The following AKAP7 variants were observed in gnomAD, a reference collection of about 807,000 sequenced individuals.
AKAP7 encodes A kinase (PRKA) anchor protein 7.
AKAP7 carries 39 observed loss-of-function variants against 39.5 expected under a neutral mutation model. The ratio of observed to expected loss-of-function variants is 0.99; its 90% CI spans 0.76 to 1.29. The LOEUF is 1.29. AKAP7 is among the 50% of genes most tolerant of loss of function. The pLI is 0.00. For synonymous variants in AKAP7, 140 were observed against 139.1 expected (o/e 1.01, Z -0.05); for missense variants, 414 against 407.7 (o/e 1.02, Z -0.13).
At chr6:131,255,591 A>G (rs1812777492) in intron 7 of AKAP7, among the ~76,000 whole-genome samples, 1 of 152,200 alleles carries the variant, frequency 6.6e-6, no homozygotes, top group Admixed American at 6.5e-5. Context: ...TGTTAAAAAC[A>G]TATGGCCCAT....
intron 7 of AKAP7, among the ~76,000 whole-genome samples, chr6:131,273,375 A>G: frequency 6.6e-6 from 1 of 151,818 alleles, no homozygotes; most frequent in East Asian, 1.9e-4. Flanking sequence ...GTTGTTTTCT[A>G]CTTGTCTCAT....
chr6:131,149,202 T>G (rs1314244027), intron 2 of AKAP7, among the ~76,000 whole-genome samples: 1 of 152,218 alleles, frequency 6.6e-6, no homozygotes, highest in Non-Finnish European at 1.5e-5. Context: ...CCAAAACATG[T>G]AGAGACTTTT....
chr6:131,241,607 G>GTATATATATATA (rs888353051), intron 7 of AKAP7, among the ~76,000 whole-genome samples: 38 of 130,046 alleles, frequency 2.9e-4, no homozygotes, highest in Non-Finnish European at 3.6e-4. Context: ...GTGTGTGTGT[G>GTATATATATATA]TGTGTGTGTG....
At chr6:131,184,750 A>G (rs1805649325) in intron 5 of AKAP7, 1 of 1,036,326 alleles carries the variant, frequency 9.6e-7, no homozygotes, top group Admixed American at 1.7e-5. Context: ...CCTCTGGGAA[A>G]CAGGAGTGGG....
chr6:131,204,452 T>G (rs1343957067), intron 6 of AKAP7, among the ~76,000 whole-genome samples: 4 of 152,206 alleles, frequency 2.6e-5, no homozygotes, highest in African/African-American at 9.6e-5. Flanking sequence ...TTGTATAAAA[T>G]GGTTTCCTTG....
At chr6:131,149,141 T>G (rs556040541) in intron 2 of AKAP7, among the ~76,000 whole-genome samples, 1 of 152,352 alleles carries the variant, frequency 6.6e-6, no homozygotes, top group African/African-American at 2.4e-5. Flanking sequence ...GTATCTTGAT[T>G]AGGCAGCATG....
intron 5 of AKAP7, chr6:131,184,313 G>GT (rs915429300): frequency 3.4e-5 from 21 of 614,262 alleles, no homozygotes; most frequent in Middle Eastern, 5.0e-4. Context: ...GGGGAGCAGG[G>GT]GGGTGGCTAT....
intron 7 of AKAP7, among the ~76,000 whole-genome samples, chr6:131,280,540 C>T (rs1815117090): frequency 6.6e-6 from 1 of 152,238 alleles, no homozygotes; most frequent in Admixed American, 6.5e-5. Flanking sequence ...GTGCAACACT[C>T]ACTGGCTTTG....
chr6:131,184,627 T>A (rs1285769747), intron 5 of AKAP7: 21 of 754,188 alleles, frequency 2.8e-5, no homozygotes, highest in Non-Finnish European at 4.2e-5. Flanking sequence ...GGACACCACC[T>A]CCTCAGGTTG....
chr6:131,177,197 G>C (rs2128251268), intron 5 of AKAP7, among the ~76,000 whole-genome samples: 1 of 152,216 alleles, frequency 6.6e-6, no homozygotes, highest in East Asian at 1.9e-4. Context: ...AAACCTATGA[G>C]GTATGGGCTG....
chr6:131,161,228 G>A (rs1476461721), intron 3 of AKAP7, among the ~76,000 whole-genome samples: 4 of 152,270 alleles, frequency 2.6e-5, no homozygotes, highest in South Asian at 2.1e-4. Context: ...CTGGGGAGAA[G>A]ATATACATAA....
intron 2 of AKAP7, among the ~76,000 whole-genome samples, chr6:131,146,992 T>C (rs1279531136): frequency 6.6e-6 from 1 of 152,216 alleles, no homozygotes; most frequent in Non-Finnish European, 1.5e-5. Flanking sequence ...CAGGCTGCTC[T>C]GGAAGTGCAT....
intron 5 of AKAP7, among the ~76,000 whole-genome samples, chr6:131,186,590 T>G (rs543413495): frequency 2.4e-4 from 36 of 152,150 alleles, no homozygotes; most frequent in Non-Finnish European, 4.3e-4. Context: ...CATCACAGTT[T>G]TGGAAATGGG....
intron 7 of AKAP7, among the ~76,000 whole-genome samples, chr6:131,251,498 G>A (rs577113234): frequency 1.0e-3 from 157 of 152,178 alleles, no homozygotes; most frequent in African/African-American, 3.7e-3. Flanking sequence ...ATCTGGTTCA[G>A]ATACTGAAAG....
intron 1 of AKAP7, among the ~76,000 whole-genome samples, chr6:131,140,160 TG>T (rs1800907508): frequency 6.6e-6 from 1 of 152,202 alleles, no homozygotes; most frequent in Admixed American, 6.5e-5. Flanking sequence ...AAACCACTCT[TG>T]CACATCGGAA....
intron 6 of AKAP7, among the ~76,000 whole-genome samples, chr6:131,207,629 C>T (rs1479527370): frequency 6.6e-6 from 1 of 151,102 alleles, no homozygotes; most frequent in East Asian, 1.9e-4. Context: ...GCAACTGCAC[C>T]CAGCCACATA....
intron 6 of AKAP7, chr6:131,200,853 G>A (rs147906146): frequency 6.6e-6 from 1 of 152,164 alleles, no homozygotes; most frequent in East Asian, 1.9e-4. Flanking sequence ...CTTTCAAATG[G>A]ATTGTCCTCT....
chr6:131,241,302 G>T (rs1390085610), intron 7 of AKAP7, among the ~76,000 whole-genome samples: 3 of 151,904 alleles, frequency 2.0e-5, no homozygotes, highest in Non-Finnish European at 4.4e-5. Context: ...AAGGAGGAGG[G>T]GTGCATTGCA....
intron 7 of AKAP7, among the ~76,000 whole-genome samples, chr6:131,230,300 G>A (rs1286664785): frequency 2.0e-5 from 3 of 152,168 alleles, no homozygotes; most frequent in African/African-American, 4.8e-5. Flanking sequence ...TGACTGGTGC[G>A]AGATGATATC....
Sources: gnomAD v4.1 joint callset for allele counts (sites outside exome capture counted in the v4.1 genomes callset) on GRCh38, gnomAD v4.1.1 for gene constraint, MANE v1.5 for transcripts, NCBI Gene and HGNC (gene_info 2026-07-23, HGNC 2026-07-21) for gene names.